Variants in CCDC50 observed in about 807,000 individuals in gnomAD.
CCDC50 encodes coiled-coil domain-containing protein 50.
CCDC50 carries 54 observed loss-of-function variants against 70.2 expected under a neutral mutation model. The observed-to-expected ratio is 0.77, with a 90% CI of 0.62 to 0.96. The LOEUF is 0.96. Among genes scored for constraint, CCDC50 ranks in the 50% least tolerant of loss-of-function variants. The pLI is 0.00. For missense variants in CCDC50, 558 were observed against 578.7 expected, an observed-to-expected ratio of 0.96 and a Z score of 0.37; for synonymous variants, 216 against 198.8, an observed-to-expected ratio of 1.09 and a Z score of -0.73.
intron 1 of CCDC50, among the ~76,000 whole-genome samples, chr3:191,341,398 T>C (rs6797930): frequency 0.16 from 23,845 of 152,134 alleles, 2,792 homozygotes; most frequent in African/African-American, 0.33. Flanking sequence ...TTCAAAGAAA[T>C]TAAGTACTTG....
chr3:191,397,965 A>T lies in CCDC50; in HGVS notation c.*6205A>T, dbSNP rs530793023. ...TGAATTTGTGAGGGACATTTTGTGG[A>T]TGCCTTAAAGATGACCAGTGGTGGG... On this transcript the variant is annotated 3_prime_UTR_variant, in exon 12 of 12. Transcript: ENST00000392455. 6.6e-6 allele frequency: 1 copy of T among 152,370 alleles called. No homozygotes were observed. The highest frequency in any genetic ancestry group is 1.9e-4 in the East Asian group (1 of 5,184). The allele number at this position is 152,370 out of a possible 1,614,324, so 9.4% of individuals were successfully genotyped here. A position where few individuals can be genotyped will look rare whatever the true frequency, so the allele number is the denominator to read the frequency against.
rs370769473 is a variant in CCDC50 at position 191,375,593 on chromosome 3, A to G, written c.976+4A>G. On this transcript the variant is annotated splice_donor_region_variant and intron_variant, in intron 6 of 11. Transcript: ENST00000392455. ...CAGCTCCACCTCCATGACGCAGGTA[A>G]TAGAGGACAGTCTCGATGGAAGTCC... The G allele has an allele frequency of 3.8e-5, 62 of 1,612,594 alleles. No individual in the cohort carries two copies. The highest frequency in any genetic ancestry group is 5.1e-5 in the Non-Finnish European group (60 of 1,179,398).
At chr3:191,345,922 A>G (rs1028214456) in intron 1 of CCDC50, among the ~76,000 whole-genome samples, 4 of 152,218 alleles carry the variant, frequency 2.6e-5, no homozygotes, top group African/African-American at 9.7e-5. Context: ...ATGCTATTAT[A>G]TAATATAGTG....
chr3:191,375,678 T>C, intron 6 of CCDC50, 89 bp downstream of exon 6: 1 of 1,366,298 alleles, frequency 7.3e-7, no homozygotes, highest in South Asian at 1.3e-5. Flanking sequence ...GCAACCTTTC[T>C]TTCTCTCTAG....
chr3:191,380,812 A>G lies in CCDC50; in HGVS notation c.1138-16A>G, dbSNP rs751414977. 3 of 1,612,534 alleles carry G rather than the reference A, an allele frequency of 1.9e-6. No homozygotes were observed. In the East Asian group the frequency reaches 6.7e-5, roughly 36 times the overall value. On this transcript the variant is annotated splice_polypyrimidine_tract_variant and intron_variant, in intron 8 of 11. Transcript: ENST00000392455. The stretch of plus-strand genomic sequence containing the variant: ...TGCACCTCTGCAGTTAATGATATTG[A>G]CTGTATTTTGTTTAGGAAATCGCTC...
chr3:191,345,426 T>C (rs962199368), intron 1 of CCDC50, among the ~76,000 whole-genome samples: 2 of 152,222 alleles, frequency 1.3e-5, no homozygotes, highest in Admixed American at 1.3e-4. Context: ...TGTTTCTACC[T>C]TGCTACCTTT....
intron 5 of CCDC50, 134 bp downstream of exon 5, chr3:191,370,170 G>A: frequency 2.8e-6 from 2 of 712,114 alleles, no homozygotes; most frequent in Non-Finnish European, 5.1e-6. Context: ...ACATTTAGAT[G>A]TGTGGCAGGA....
intron 1 of CCDC50, among the ~76,000 whole-genome samples, chr3:191,340,427 C>T (rs752513119): frequency 3.3e-5 from 5 of 152,154 alleles, no homozygotes; most frequent in Non-Finnish European, 7.4e-5. Context: ...ACTCAAAATA[C>T]AGAATTAGGA....
chr3:191,375,434 G>A lies in CCDC50; in HGVS notation c.821G>A (p.Arg274Gln), dbSNP rs199527848. The change falls in exon 6 of 12, where the codon CGA (arginine) becomes CAA (glutamine). Residue 274 changes from arginine (R) to glutamine (Q), a missense_variant. Coordinates refer to ENST00000392455, the MANE Select transcript of CCDC50 (RefSeq NM_178335.3). ...GAAAAACAGTCTCGACACCAAGATCGACTTTCACCCAAGTCCTCACAAAAA... is the reference window on the plus strand; with the variant it reads ...GAAAAACAGTCTCGACACCAAGATCAACTTTCACCCAAGTCCTCACAAAAA... ...NWEKQSRHQD[R>Q]LSPKSSQKAG... The A allele has an allele frequency of 6.9e-4, 1,120 of 1,613,722 alleles. 14 individuals carry two copies. The South Asian group carries it at 0.011, about 17-fold the overall frequency.
At chr3:191,363,433 G>T (rs57211729) in intron 4 of CCDC50, among the ~76,000 whole-genome samples, 1 of 152,108 alleles carries the variant, frequency 6.6e-6, no homozygotes, top group African/African-American at 2.4e-5. Context: ...TTTCAGCACC[G>T]CCCTTAACCA....
rs1015061166 is a variant in CCDC50 at position 191,395,801 on chromosome 3, C to T, written c.*4041C>T. ...ATTACTTTGTCTATTACTTACTGCT[C>T]ATAGAGAAGTGACTATATAAAATGG... is the stretch of plus-strand genomic sequence containing the variant. On this transcript the variant is annotated 3_prime_UTR_variant, in exon 12 of 12. Coordinates refer to ENST00000392455, the MANE Select transcript of CCDC50 (RefSeq NM_178335.3). 2 of 152,148 alleles carry T rather than the reference C, an allele frequency of 1.3e-5. No homozygotes were observed. The highest frequency in any genetic ancestry group is 2.9e-5 in the Non-Finnish European group (2 of 68,016). The allele number at this position is 152,148 out of a possible 1,614,324, so 9.4% of individuals were successfully genotyped here. A position where few individuals can be genotyped will look rare whatever the true frequency, so the allele number is the denominator to read the frequency against.
chr3:191,376,558 G>A (rs894952520), intron 6 of CCDC50, among the ~76,000 whole-genome samples: 1 of 152,066 alleles, frequency 6.6e-6, no homozygotes, highest in Admixed American at 6.6e-5. Flanking sequence ...TCTAGGTTGC[G>A]GATTCAGGTT....
At chr3:191,349,966 A>AAC (rs1712048855) in intron 1 of CCDC50, among the ~76,000 whole-genome samples, 24 of 105,578 alleles carry the variant, frequency 2.3e-4, no homozygotes, top group Non-Finnish European at 3.7e-4. Context: ...ATTTAATAAT[A>AAC]CCCCCCCCCT....
At chr3:191,340,019 A>G (rs1396385558) in intron 1 of CCDC50, among the ~76,000 whole-genome samples, 1 of 152,232 alleles carries the variant, frequency 6.6e-6, no homozygotes, top group Non-Finnish European at 1.5e-5. Context: ...AATAGGCTTC[A>G]GTTATTACAT....
At chr3:191,358,151 G>A (rs367584243) in intron 3 of CCDC50, 27 bp downstream of exon 3, 100 of 1,613,316 alleles carry the variant, frequency 6.2e-5, no homozygotes, top group Non-Finnish European at 8.2e-5. Flanking sequence ...TGGGAGGGGT[G>A]ATGCAAGACT....
chr3:191,391,599 C>G (rs1323716941), intron 11 of CCDC50, 142 bp from the exon 12 acceptor site: 6 of 763,122 alleles, frequency 7.9e-6, no homozygotes, highest in Non-Finnish European at 1.1e-5. Context: ...CACATTGATT[C>G]TGTATATATG....
intron 3 of CCDC50, 118 bp from the exon 4 acceptor site, chr3:191,360,951 A>C: frequency 1.4e-6 from 1 of 729,180 alleles, no homozygotes. Flanking sequence ...CTTGAAGATA[A>C]AGTGAGAAAA....
In CCDC50 at chr3:191,386,216, A is replaced by ATTTTTT. The variant is rs76983981; in HGVS notation, c.1323-3259_1323-3254dup. On this transcript the variant is annotated intron_variant, in intron 10 of 11. Transcript: ENST00000392455. ...GTGGATTGCTTTGTTTAGTATGGGC[A>ATTTTTT]TTTTTTTTTTTTTTTTTTTTTTTTT... 1.4e-4 allele frequency among the ~76,000 whole-genome samples: 18 copies of ATTTTTT among 125,752 alleles called. 1 individual carries two copies. Among genetic ancestry groups the ATTTTTT allele is most frequent in the South Asian group, 5.1e-4 (2 of 3,954 alleles). The allele number at this position is 125,752 out of a possible 152,430, so 82.5% of individuals were successfully genotyped here.
chr3:191,358,822 T>C (rs1449306590), intron 3 of CCDC50, among the ~76,000 whole-genome samples: 1 of 152,194 alleles, frequency 6.6e-6, no homozygotes. Flanking sequence ...CCACAGATAC[T>C]GTGTTGAGGA....
Sources: allele counts gnomAD v4.1 joint callset (sites outside exome capture counted in the v4.1 genomes callset), GRCh38; gene constraint gnomAD v4.1.1; transcripts MANE v1.5; gene names NCBI Gene and HGNC (gene_info 2026-07-23, HGNC 2026-07-21).